MARK2: variants seen among roughly 807,000 people sequenced by gnomAD.
MARK2 encodes the protein serine/threonine-protein kinase MARK2.
MARK2 carries 16 observed loss-of-function variants against 89.8 expected under a neutral mutation model. That is an observed-to-expected ratio of 0.18 (90% CI 0.12 to 0.27). The LOEUF (loss-of-function observed/expected upper bound fraction) is 0.27, where lower values mean the gene tolerates loss of function less well. Ranked by LOEUF, MARK2 falls within the 10% of genes least tolerant of loss-of-function variation. The pLI, the probability that MARK2 is intolerant of heterozygous loss-of-function variation, is 1.00. For missense variants in MARK2, 621 were observed against 1,049.9 expected (o/e 0.59, Z 5.65); for synonymous variants, 382 against 399.5 (o/e 0.96, Z 0.52).
At position 63,895,204 on chromosome 11, in the gene MARK2, A is replaced by G. The variant is rs1302966306; in HGVS notation, c.100A>G (p.Met34Val). The G allele has an allele frequency of 1.2e-6, 2 of 1,613,986 alleles. No homozygotes were observed. The highest frequency in any genetic ancestry group is 1.3e-5 in the African/African-American group (1 of 74,896). Residue 34 changes from methionine to valine, a missense_variant, in exon 2 of 19, where the codon ATG (methionine) becomes GTG (valine). Around this residue, in one of 5 missense-constraint regions of MARK2, gnomAD observed 60 missense variants for 73.2 expected, o/e 0.82. Transcript: ENST00000402010. The stretch of plus-strand genomic sequence containing the variant: ...CTCCAAGCCCAGCAGTAAGTCCAAC[A>G]TGATTCGGGGCCGCAACTCAGCCAC... ...LDSKPSSKSN[M>V]IRGRNSATSA...
chr11:63,875,156 T>G (rs1350031316), intron 1 of MARK2, among the ~76,000 whole-genome samples: 1 of 145,654 alleles, frequency 6.9e-6, no homozygotes, highest in Non-Finnish European at 1.5e-5. Flanking sequence ...AGTCTCACTC[T>G]GTCACCCAGG....
chr11:63,904,208 C>T lies in MARK2; in HGVS notation c.1676+61C>T, dbSNP rs1298483817. The stretch of plus-strand genomic sequence containing the variant: ...CTCAGCCCACCCTACCCCCTTGCCC[C>T]AACAATTTCTTCTTCCCACTTGGGG... On this transcript the variant is annotated intron_variant, in intron 15 of 18. Coordinates refer to ENST00000402010, the MANE Select transcript of MARK2 (RefSeq NM_001039469.3). This position sits in a 1 kb window ranked among gnomAD's most constrained non-coding sequence, Gnocchi z 6.3. 5.0e-6 allele frequency: 7 copies of T among 1,412,730 alleles called. No homozygotes were observed. Among genetic ancestry groups the T allele is most frequent in the Non-Finnish European group, 6.6e-6 (7 of 1,066,974 alleles). The allele number at this position is 1,412,730 out of a possible 1,614,324, so 87.5% of individuals were successfully genotyped here.
rs1297886740 is a variant in MARK2 at position 63,910,627 on chromosome 11, GT to G, written c.*1394del. The G allele has an allele frequency of 6.7e-6, 1 of 148,532 alleles. No individual in the cohort carries two copies. The highest frequency in any genetic ancestry group is 6.8e-5 in the Admixed American group (1 of 14,688). The allele number at this position is 148,532 out of a possible 1,614,324, so 9.2% of individuals were successfully genotyped here. ...TGAGTTGTACATTTTTTTGTGATGG[GT>G]TTTATTTTTTATTATTTTATTTTAT... On this transcript the variant is annotated 3_prime_UTR_variant, in exon 19 of 19. Transcript: ENST00000402010.
chr11:63,859,359 A>C (rs1324468996), intron 1 of MARK2, among the ~76,000 whole-genome samples: 1 of 146,744 alleles, frequency 6.8e-6, no homozygotes, highest in Non-Finnish European at 1.5e-5. Context: ...CTGCTCTGTC[A>C]CGCAGGCTGG....
chr11:63,907,036 C>CT (rs781371237), intron 17 of MARK2, among the ~76,000 whole-genome samples: 12 of 152,140 alleles, frequency 7.9e-5, no homozygotes, highest in Non-Finnish European at 1.6e-4. Context: ...CTTCCTGGCT[C>CT]TTTCACCCCT....
Position 63,903,927 on chromosome 11 carries a change from C to A in MARK2, c.1515-59C>A. The A allele has an allele frequency of 1.4e-6, 2 of 1,460,610 alleles. No homozygotes were observed. Among genetic ancestry groups the A allele is most frequent in the Non-Finnish European group, 1.8e-6 (2 of 1,082,850 alleles). 90.5% of individuals were successfully genotyped at this position (1,460,610 alleles called of 1,614,324 possible). A position where few individuals can be genotyped will look rare whatever the true frequency, so the allele number is the denominator to read the frequency against. The stretch of plus-strand genomic sequence containing the variant: ...CTTCCCCTGCCCTTGCTTCCTAATC[C>A]AGGCCTCCCGCCCTCACTCACCCCT... On this transcript the variant is annotated intron_variant, in intron 14 of 18. Transcript: ENST00000402010. This position sits in a 1 kb window ranked among gnomAD's most constrained non-coding sequence, Gnocchi z 5.1.
intron 1 of MARK2, among the ~76,000 whole-genome samples, chr11:63,871,978 G>A (rs1178320283): frequency 6.6e-6 from 1 of 152,214 alleles, no homozygotes; most frequent in Non-Finnish European, 1.5e-5. Flanking sequence ...GCACTGTGAG[G>A]CTTCTTCAGG....
intron 1 of MARK2, among the ~76,000 whole-genome samples, chr11:63,846,343 C>T (rs2016273805): frequency 6.6e-6 from 1 of 151,796 alleles, no homozygotes; most frequent in Non-Finnish European, 1.5e-5. Flanking sequence ...ATAGTGAGAC[C>T]TCATTTCTAC....
intron 1 of MARK2, among the ~76,000 whole-genome samples, chr11:63,887,891 G>A (rs973349894): frequency 2.0e-5 from 3 of 152,188 alleles, no homozygotes; most frequent in African/African-American, 7.2e-5. Flanking sequence ...TTGGTGACTG[G>A]AAACTTGGAG....
chr11:63,890,430 A>G (rs1048241999), intron 1 of MARK2: 1 of 402,288 alleles, frequency 2.5e-6, no homozygotes, highest in Non-Finnish European at 4.7e-6. Flanking sequence ...CTCCTGAACA[A>G]GCAGAACCTC....
At chr11:63,890,085 C>T (rs1171341284) in intron 1 of MARK2, 10 of 415,258 alleles carry the variant, frequency 2.4e-5, no homozygotes, top group Non-Finnish European at 3.2e-5. Flanking sequence ...TTAGCCACTG[C>T]ATACTCTTAC....
intron 1 of MARK2, among the ~76,000 whole-genome samples, chr11:63,862,144 C>T (rs1378371246): frequency 6.6e-6 from 1 of 151,876 alleles, no homozygotes. Context: ...AGGCTGGTCT[C>T]AAACTCCGGA....
intron 1 of MARK2, among the ~76,000 whole-genome samples, chr11:63,879,056 G>C (rs1938939707): frequency 6.6e-6 from 1 of 152,140 alleles, no homozygotes; most frequent in African/African-American, 2.4e-5. Context: ...TGTAATCCCA[G>C]CACTTTGGGA....
In MARK2 at chr11:63,909,210, C is replaced by A. The variant is rs762204707; in HGVS notation, c.2340C>A (p.Ser780=). Reference sequence around the variant, plus strand: ...CCATGGCCTTCAAAAACATTGCCTCCAAAATAGCCAACGAGCTGAAGCTTT... The same window carrying A: ...CCATGGCCTTCAAAAACATTGCCTCAAAAATAGCCAACGAGCTGAAGCTTT... ...GTSMAFKNIA[S]KIANELKL is the part of the protein sequence containing the mutation. Residue 780 remains serine (S), a synonymous_variant, in exon 19 of 19, where the codon TCC becomes TCA. Coordinates refer to ENST00000402010, the MANE Select transcript of MARK2 (RefSeq NM_001039469.3). The A allele has an allele frequency of 1.9e-6, 3 of 1,592,606 alleles. No individual in the cohort carries two copies. The highest frequency in any genetic ancestry group is 2.6e-6 in the Non-Finnish European group (3 of 1,162,410).
At chr11:63,891,574 C>T (rs916901487) in intron 1 of MARK2, among the ~76,000 whole-genome samples, 1 of 152,256 alleles carries the variant, frequency 6.6e-6, no homozygotes, top group Non-Finnish European at 1.5e-5. Context: ...CAGGTAGATG[C>T]TAAATCCCTG....
chr11:63,904,257 T>G lies in MARK2; in HGVS notation c.1676+110T>G. ...GGGTCCTGCTGTGTTCTTGTCATCTTAGCCACAAGAAATGGGTCTGTCCCC... is the reference window on the plus strand; with the variant it reads ...GGGTCCTGCTGTGTTCTTGTCATCTGAGCCACAAGAAATGGGTCTGTCCCC... On this transcript the variant is annotated intron_variant, in intron 15 of 18. Transcript: ENST00000402010. This position sits in a 1 kb window ranked among gnomAD's most constrained non-coding sequence, Gnocchi z 6.3. The G allele has an allele frequency of 1.0e-6, 1 of 998,548 alleles. No individual in the cohort carries two copies. The highest frequency in any genetic ancestry group is 1.4e-6 in the Non-Finnish European group (1 of 701,486). 61.9% of individuals were successfully genotyped at this position (998,548 alleles called of 1,614,324 possible).
At chr11:63,869,782 G>A (rs1321767395) in intron 1 of MARK2, among the ~76,000 whole-genome samples, 1 of 152,186 alleles carries the variant, frequency 6.6e-6, no homozygotes, top group African/African-American at 2.4e-5. Flanking sequence ...TTTTAGGCAG[G>A]TTGTCTTGAC....
At chr11:63,861,853 T>C (rs1937808175) in intron 1 of MARK2, among the ~76,000 whole-genome samples, 1 of 150,174 alleles carries the variant, frequency 6.7e-6, no homozygotes, top group Non-Finnish European at 1.5e-5. Context: ...GCAATTCTCC[T>C]GCCTCAGCCT....
chr11:63,896,877 A>T (rs752589260), intron 3 of MARK2, among the ~76,000 whole-genome samples: 13 of 152,090 alleles, frequency 8.5e-5, no homozygotes, highest in Non-Finnish European at 1.8e-4. Context: ...CATCGTAATA[A>T]TCGCCAGTCC....
Sources: allele counts gnomAD v4.1 joint callset (sites outside exome capture counted in the v4.1 genomes callset), GRCh38; gene constraint gnomAD v4.1.1; regional missense constraint gnomAD v4.1.1; non-coding constraint Gnocchi (gnomAD v3.1); transcripts MANE v1.5; gene names NCBI Gene and HGNC (gene_info 2026-07-23, HGNC 2026-07-21).